TBCK: variants seen among roughly 807,000 people sequenced by gnomAD.
TBCK encodes the protein TBC1 domain containing kinase, also known as TBC domain-containing protein kinase-like protein.
Under a neutral mutation model 113.4 loss-of-function variants are expected in TBCK, and 99 were observed. The ratio of observed to expected loss-of-function variants is 0.87; its 90% CI spans 0.74 to 1.03. The LOEUF (loss-of-function observed/expected upper bound fraction) is 1.03, where lower values mean the gene tolerates loss of function less well. Ranked by LOEUF, TBCK falls within the 50% of genes least tolerant of loss-of-function variation. The pLI is 0.00. For synonymous variants in TBCK, 369 were observed against 370.8 expected (o/e 1.00, Z 0.05); for missense variants, 1,045 against 1,061.3 (o/e 0.98, Z 0.21).
chr4:106,253,396 C>T lies in TBCK; in HGVS notation c.456-1389G>A, dbSNP rs535804624. Reference sequence around the variant, plus strand: ...GCTGTTTCCTGCTTTTTATTATTAACATTATGAACAACGTTGCACAGAATG... The same window carrying T: ...GCTGTTTCCTGCTTTTTATTATTAATATTATGAACAACGTTGCACAGAATG... On this transcript the variant is annotated intron_variant, in intron 5 of 25. Coordinates refer to ENST00000394708, the MANE Select transcript of TBCK (RefSeq NM_001163435.3). 5.3e-5 allele frequency among the ~76,000 whole-genome samples: 8 copies of T among 152,222 alleles called. No homozygotes were observed. The South Asian group carries it at 1.7e-3, about 32-fold the overall frequency.
chr4:106,079,155 G>A (rs1391923452), intron 25 of TBCK, among the ~76,000 whole-genome samples: 1 of 151,794 alleles, frequency 6.6e-6, no homozygotes, highest in African/African-American at 2.4e-5. Flanking sequence ...AACAAATTAG[G>A]CATCAAAAAA....
chr4:106,068,644 A>G (rs1479943444), intron 25 of TBCK, among the ~76,000 whole-genome samples: 2 of 152,164 alleles, frequency 1.3e-5, no homozygotes, highest in African/African-American at 4.8e-5. Flanking sequence ...CATGATTTAT[A>G]ATCCTTTGGC....
At chr4:106,063,307 C>T (rs916502260) in intron 25 of TBCK, among the ~76,000 whole-genome samples, 1 of 151,962 alleles carries the variant, frequency 6.6e-6, no homozygotes, top group African/African-American at 2.4e-5. Flanking sequence ...AGGATATTCA[C>T]TTCTCATTCT....
chr4:106,298,596 C>T (rs1322473997), intron 2 of TBCK, among the ~76,000 whole-genome samples: 1 of 151,594 alleles, frequency 6.6e-6, no homozygotes, highest in Non-Finnish European at 1.5e-5. Context: ...GGCAACAGAG[C>T]AAGACTGTCT....
chr4:106,284,015 T>A (rs1764880961), intron 3 of TBCK, among the ~76,000 whole-genome samples: 1 of 152,118 alleles, frequency 6.6e-6, no homozygotes, highest in Non-Finnish European at 1.5e-5. Flanking sequence ...AGATATAAGG[T>A]ACAAGAGAGG....
chr4:106,295,879 A>G (rs1766249619), intron 2 of TBCK, among the ~76,000 whole-genome samples: 1 of 152,046 alleles, frequency 6.6e-6, no homozygotes, highest in African/African-American at 2.4e-5. Context: ...TCTAGGCTAC[A>G]TGGTTCATCT....
chr4:106,094,235 C>CT (rs1740659015), intron 25 of TBCK, among the ~76,000 whole-genome samples: 1 of 152,030 alleles, frequency 6.6e-6, no homozygotes, highest in South Asian at 2.1e-4. Flanking sequence ...TTCATGTTTC[C>CT]TTTTTTCTGA....
intron 20 of TBCK, among the ~76,000 whole-genome samples, chr4:106,208,313 T>C (rs1041372901): frequency 1.3e-5 from 2 of 152,150 alleles, no homozygotes; most frequent in African/African-American, 2.4e-5. Context: ...TATGGCACAC[T>C]TTCCTCTGAT....
chr4:106,230,321 C>A, intron 19 of TBCK, 42 bp downstream of exon 19: 1 of 1,315,058 alleles, frequency 7.6e-7, no homozygotes, highest in South Asian at 1.3e-5. Flanking sequence ...ACCAGTACAT[C>A]AGTAGTTTCT....
chr4:106,261,658 C>T (rs1762521107), intron 4 of TBCK, among the ~76,000 whole-genome samples: 1 of 151,734 alleles, frequency 6.6e-6, no homozygotes, highest in Admixed American at 6.6e-5. Context: ...TAGGCATGAA[C>T]AGTTGGTAAA....
chr4:106,057,644 A>G (rs1260442206), intron 25 of TBCK, among the ~76,000 whole-genome samples: 7 of 151,770 alleles, frequency 4.6e-5, no homozygotes, highest in South Asian at 2.1e-4. Context: ...GTCCTCCCCA[A>G]CAATTTGTAT....
At chr4:106,291,031 C>G (rs1391471105) in intron 3 of TBCK, among the ~76,000 whole-genome samples, 1 of 152,156 alleles carries the variant, frequency 6.6e-6, no homozygotes, top group Non-Finnish European at 1.5e-5. Flanking sequence ...TACTTGCAGA[C>G]TCATCAAAAC....
intron 25 of TBCK, among the ~76,000 whole-genome samples, chr4:106,084,462 C>A (rs995668373): frequency 1.1e-4 from 16 of 152,140 alleles, no homozygotes; most frequent in African/African-American, 3.6e-4. Flanking sequence ...CTATGATCGA[C>A]CGGAGTACCA....
chr4:106,122,487 T>C (rs1744549697), intron 23 of TBCK, among the ~76,000 whole-genome samples: 1 of 151,936 alleles, frequency 6.6e-6, no homozygotes. Context: ...ACTATTCCAA[T>C]CAATAGAAAA....
intron 3 of TBCK, among the ~76,000 whole-genome samples, chr4:106,282,309 T>C (rs1450294971): frequency 6.6e-6 from 1 of 151,988 alleles, no homozygotes; most frequent in Admixed American, 6.6e-5. Flanking sequence ...TCTTAGTCTA[T>C]CTAAAGGTTT....
At chr4:106,186,862 T>G (rs1181946285) in intron 22 of TBCK, among the ~76,000 whole-genome samples, 2 of 152,178 alleles carry the variant, frequency 1.3e-5, no homozygotes, top group Non-Finnish European at 2.9e-5. Flanking sequence ...AGGATTCTTA[T>G]TGTTTGTGGT....
intron 19 of TBCK, among the ~76,000 whole-genome samples, chr4:106,224,122 T>A (rs185373814): frequency 6.4e-4 from 97 of 152,156 alleles, no homozygotes; most frequent in African/African-American, 2.1e-3. Flanking sequence ...ATTTATTATA[T>A]CTTAAATATA....
intron 1 of TBCK, among the ~76,000 whole-genome samples, chr4:106,309,745 G>T (rs558626979): frequency 6.6e-6 from 1 of 152,088 alleles, no homozygotes; most frequent in African/African-American, 2.4e-5. Context: ...TAGTAGTAAA[G>T]CTTAAACTAG....
Position 106,312,563 on chromosome 4 carries a change from AT to A in TBCK, c.-30+3367del, listed in dbSNP as rs1768316858. Among the ~76,000 whole-genome samples the A allele has an allele frequency of 5.3e-5, 8 of 152,314 alleles. No individual in the cohort carries two copies. In the South Asian group the frequency reaches 1.7e-3, roughly 32 times the overall value. Reference sequence around the variant, plus strand: ...TTGGAAAACTTTTCTAAAGTTAAAAATATCCCTAACTTATGACTCAGAAATT... The same window carrying A: ...TTGGAAAACTTTTCTAAAGTTAAAAAATCCCTAACTTATGACTCAGAAATT... On this transcript the variant is annotated intron_variant, in intron 1 of 25. Transcript: ENST00000394708.
Sources: gnomAD v4.1 joint callset for allele counts (sites outside exome capture counted in the v4.1 genomes callset) on GRCh38, gnomAD v4.1.1 for gene constraint, MANE v1.5 for transcripts, NCBI Gene and HGNC (gene_info 2026-07-23, HGNC 2026-07-21) for gene names.